Variants in CAPZA1 observed in about 807,000 individuals in gnomAD.
CAPZA1 encodes capping actin protein of muscle Z-line subunit alpha 1.
CAPZA1 carries 10 observed loss-of-function variants against 40.8 expected under a neutral mutation model. The ratio of observed to expected loss-of-function variants is 0.25; its 90% CI spans 0.15 to 0.42. The LOEUF (loss-of-function observed/expected upper bound fraction) is 0.42. CAPZA1 is among the 10% of genes least tolerant of loss of function. CAPZA1 has a pLI of 1.00. For missense variants in CAPZA1, 277 were observed against 353.8 expected, an observed-to-expected ratio of 0.78 and a Z score of 1.74; for synonymous variants, 98 against 115.0, an observed-to-expected ratio of 0.85 and a Z score of 0.95.
intron 1 of CAPZA1, among the ~76,000 whole-genome samples, chr1:112,637,118 T>C (rs1406152360): frequency 6.6e-6 from 1 of 152,224 alleles, no homozygotes; most frequent in Admixed American, 6.5e-5. Context: ...TAAGTTACAA[T>C]TCCAGCTCCA....
At chr1:112,653,556 T>A in intron 3 of CAPZA1, 42 bp from the exon 4 acceptor site, 1 of 1,208,246 alleles carries the variant, frequency 8.3e-7, no homozygotes, top group Non-Finnish European at 1.2e-6. Flanking sequence ...TCTCTCTCCC[T>A]CTTTTTTTTT....
intron 1 of CAPZA1, among the ~76,000 whole-genome samples, chr1:112,642,588 C>A (rs1235922287): frequency 1.3e-5 from 2 of 152,164 alleles, no homozygotes; most frequent in African/African-American, 2.4e-5. Flanking sequence ...CATTTATTAC[C>A]TGCTTGCTAC....
intron 7 of CAPZA1, among the ~76,000 whole-genome samples, chr1:112,661,584 ATATCT>A (rs1671607779): frequency 6.6e-6 from 1 of 152,222 alleles, no homozygotes. Context: ...TGTTAACAAA[ATATCT>A]TAGTAGCCTA....
chr1:112,638,125 G>A (rs572874935), intron 1 of CAPZA1, among the ~76,000 whole-genome samples: 2 of 152,250 alleles, frequency 1.3e-5, no homozygotes, highest in Admixed American at 6.5e-5. Context: ...ATGGGAGTTA[G>A]GGAAGGGTAG....
At chr1:112,634,053 A>C (rs1176294712) in intron 1 of CAPZA1, among the ~76,000 whole-genome samples, 2 of 152,064 alleles carry the variant, frequency 1.3e-5, no homozygotes, top group Admixed American at 1.3e-4. Context: ...CTTACTGTTA[A>C]TTTTCTCCTT....
At chr1:112,657,401 C>G (rs2101178299) in intron 5 of CAPZA1, among the ~76,000 whole-genome samples, 1 of 152,266 alleles carries the variant, frequency 6.6e-6, no homozygotes, top group South Asian at 2.1e-4. Flanking sequence ...CCTCTATCTA[C>G]TTCTGAACCC....
chr1:112,642,974 T>G (rs1006902405), intron 1 of CAPZA1, among the ~76,000 whole-genome samples: 1 of 152,212 alleles, frequency 6.6e-6, no homozygotes, highest in African/African-American at 2.4e-5. Context: ...TATATACTTA[T>G]TTTTTGGATT....
chr1:112,626,432 C>CAA (rs34614213), intron 1 of CAPZA1, among the ~76,000 whole-genome samples: 18 of 126,592 alleles, frequency 1.4e-4, no homozygotes, highest in South Asian at 2.5e-4. Flanking sequence ...CGGTCTCTAC[C>CAA]AAAAAAAAAA....
At chr1:112,630,664 G>A (rs907884881) in intron 1 of CAPZA1, among the ~76,000 whole-genome samples, 1 of 151,930 alleles carries the variant, frequency 6.6e-6, no homozygotes. Flanking sequence ...TTTTTGAGAC[G>A]AGACATCATT....
chr1:112,655,944 TAAG>T (rs1426286672), intron 5 of CAPZA1, among the ~76,000 whole-genome samples: 1 of 152,188 alleles, frequency 6.6e-6, no homozygotes, highest in African/African-American at 2.4e-5. Flanking sequence ...TATGGCATAT[TAAG>T]AAAAATATTG....
chr1:112,659,739 C>T lies in CAPZA1; in HGVS notation c.545C>T (p.Thr182Ile). ...AGATCAGAGTGGAAGTTCACCATCA[C>T]ACCACCTACAGCCCAGGTGGTTGGC... Reference protein sequence around the residue: ...RWRSEWKFTITPPTAQVVGVL... With the variant: ...RWRSEWKFTIIPPTAQVVGVL... The change falls in exon 7 of 10, where the codon ACA (threonine) becomes ATA (isoleucine). Residue 182 changes from threonine (T) to isoleucine (I), a missense_variant. Physicochemically the swap from Thr to Ile is moderately conservative, Grantham distance 89. Transcript: ENST00000263168. The T allele has an allele frequency of 6.2e-7, 1 of 1,613,756 alleles. No individual in the cohort carries two copies. Among genetic ancestry groups the T allele is most frequent in the Non-Finnish European group, 8.5e-7 (1 of 1,179,926 alleles).
At position 112,670,368 on chromosome 1, in the gene CAPZA1, T is replaced by TTC. The variant is rs1553181453; in HGVS notation, c.*237_*238insCT. Reference sequence around the variant, plus strand: ...TACGTGTAAATCTTTTTTTCTTTTTTTTTTTTTTTTTTTGGTTAATTCTGC... The same window carrying TTC: ...TACGTGTAAATCTTTTTTTCTTTTTTTCTTTTTTTTTTTTTGGTTAATTCTGC... On this transcript the variant is annotated 3_prime_UTR_variant, in exon 10 of 10. Transcript: ENST00000263168. 3 of 408,154 alleles carry TTC rather than the reference T, an allele frequency of 7.4e-6. No individual in the cohort carries two copies. The highest frequency in any genetic ancestry group is 8.7e-5 in the Admixed American group (2 of 23,112). The allele number at this position is 408,154 out of a possible 1,614,324, so 25.3% of individuals were successfully genotyped here.
Position 112,659,744 on chromosome 1 carries a change from C to T in CAPZA1, c.550C>T (p.Pro184Ser). Residue 184 changes from proline (P) to serine (S), a missense_variant, in exon 7 of 10, where the codon CCT becomes TCT. Pro to Ser is a moderately conservative substitution (Grantham distance 74). This residue lies in a region of CAPZA1 where 192 missense variants were observed against 277.2 expected (regional missense o/e 0.69). Transcript: ENST00000263168. The part of the protein sequence containing the change: ...RSEWKFTITP[P>S]TAQVVGVLKI... ...AGAGTGGAAGTTCACCATCACACCA[C>T]CTACAGCCCAGGTGGTTGGCGTGCT... 3 of 1,613,796 alleles carry T rather than the reference C, an allele frequency of 1.9e-6. No individual in the cohort carries two copies. The highest frequency in any genetic ancestry group is 1.1e-5 in the South Asian group (1 of 91,064).
rs769806494 is a variant in CAPZA1, at chr1:112,653,631, G to A, written c.189G>A (p.Thr63=). 5 of 1,597,750 alleles carry A rather than the reference G, an allele frequency of 3.1e-6. No individual in the cohort carries two copies. Among genetic ancestry groups the A allele is most frequent in the Admixed American group, 3.5e-5 (2 of 57,962 alleles). Residue 63 remains threonine, a synonymous_variant, in exon 4 of 10, where the codon ACG becomes ACA. Coordinates refer to ENST00000263168, the MANE Select transcript of CAPZA1 (RefSeq NM_006135.3). ...CCCAGTATAACATGGATCAGTTCACGCCTGTGAAGATAGAAGGATATGAAG... is the reference window on the plus strand; with the variant it reads ...CCCAGTATAACATGGATCAGTTCACACCTGTGAAGATAGAAGGATATGAAG... The part of the protein sequence containing the change: ...AFAQYNMDQF[T]PVKIEGYEDQ...
In CAPZA1 at chr1:112,669,995, G is replaced by C. The variant is rs1671797982; in HGVS notation, c.724G>C (p.Ala242Pro). ...IENAENEYQT[A>P]ISENYQTMSD... is the part of the protein sequence containing the mutation. ...CATCTTCAATTATCTATTGCAGACAGCAATTAGTGAAAACTATCAAACAAT... is the reference window on the plus strand; with the variant it reads ...CATCTTCAATTATCTATTGCAGACACCAATTAGTGAAAACTATCAAACAAT... The change falls in exon 10 of 10, where the codon GCA becomes CCA. Residue 242 changes from alanine (A) to proline (P), a missense_variant. Physicochemically the swap from Ala to Pro is conservative, Grantham distance 27. Transcript: ENST00000263168. The C allele has an allele frequency of 6.2e-7, 1 of 1,613,658 alleles. No homozygotes were observed. The highest frequency in any genetic ancestry group is 1.3e-5 in the African/African-American group (1 of 74,918).
At chr1:112,662,395 CTTT>C (rs35100851) in intron 7 of CAPZA1, among the ~76,000 whole-genome samples, 2 of 97,260 alleles carry the variant, frequency 2.1e-5, no homozygotes, top group Non-Finnish European at 1.9e-5. Flanking sequence ...TAGAATTTTT[CTTT>C]TTTTTTTTTT....
chr1:112,646,631 GT>G (rs1350147110), intron 1 of CAPZA1: 1 of 152,014 alleles, frequency 6.6e-6, no homozygotes, highest in African/African-American at 2.4e-5. Context: ...TATTAAGGTT[GT>G]TGTAGAATTT....
At chr1:112,644,286 G>A (rs1469329294) in intron 1 of CAPZA1, among the ~76,000 whole-genome samples, 4 of 134,740 alleles carry the variant, frequency 3.0e-5, no homozygotes, top group Non-Finnish European at 4.6e-5. Flanking sequence ...CACCTTCCGG[G>A]TTGAGGTGAT....
At chr1:112,659,326 GTTGAAAATCTGAGT>G in intron 6 of CAPZA1, 1 of 548,448 alleles carries the variant, frequency 1.8e-6, no homozygotes, top group South Asian at 2.4e-5. Context: ...AAAGTGCCCT[GTTGAAAATCTGAGT>G]TTTACTTGGC....
Sources: allele counts gnomAD v4.1 joint callset (sites outside exome capture counted in the v4.1 genomes callset), GRCh38; gene constraint gnomAD v4.1.1; regional missense constraint gnomAD v4.1.1; transcripts MANE v1.5; gene names NCBI Gene and HGNC (gene_info 2026-07-23, HGNC 2026-07-21).